The following ZFHX3 variants were observed in gnomAD, a reference collection of about 807,000 sequenced individuals.
ZFHX3 encodes the protein zinc finger homeobox protein 3.
In ZFHX3, 42 loss-of-function variants were observed where a neutral mutation model predicts 279.1. The observed-to-expected ratio is 0.15, with a 90% CI of 0.12 to 0.19. ZFHX3 has a LOEUF of 0.19. Among genes scored for constraint, ZFHX3 ranks in the 10% least tolerant of loss-of-function variants. The probability of loss-of-function intolerance (pLI) is 1.00; values close to 1 mark genes in which losing one functional copy is unlikely to be tolerated. For synonymous variants in ZFHX3, 2,293 were observed against 1,957.8 expected, an observed-to-expected ratio of 1.17 and a Z score of -4.52; for missense variants, 4,981 against 4,754.0, an observed-to-expected ratio of 1.05 and a Z score of -1.40.
intron 3 of ZFHX3, among the ~76,000 whole-genome samples, chr16:72,943,818 GT>G (rs959053874): frequency 1.1e-4 from 16 of 152,248 alleles, no homozygotes; most frequent in South Asian, 8.3e-4. Context: ...AGAGAATCAT[GT>G]TCCTAGCTCA....
At chr16:73,205,221 A>C (rs945049739) in intron 5 of ZFHX3, among the ~76,000 whole-genome samples, 7 of 152,256 alleles carry the variant, frequency 4.6e-5, no homozygotes, top group Non-Finnish European at 1.0e-4. Context: ...TATCTAACCC[A>C]CCTTGAGATC....
intron 8 of ZFHX3, among the ~76,000 whole-genome samples, chr16:73,087,916 C>T (rs951526412): frequency 6.6e-6 from 1 of 151,866 alleles, no homozygotes; most frequent in African/African-American, 2.4e-5. Context: ...CAACCTCCAG[C>T]TTCCCGGGTT....
intron 1 of ZFHX3, among the ~76,000 whole-genome samples, chr16:73,748,910 C>G (rs988232120): frequency 3.3e-5 from 5 of 152,140 alleles, no homozygotes; most frequent in African/African-American, 9.7e-5. Flanking sequence ...GCCTCAGCCT[C>G]CTGAGTAGCT....
intron 4 of ZFHX3, among the ~76,000 whole-genome samples, chr16:72,859,211 G>A (rs116272640): frequency 0.011 from 1,738 of 152,168 alleles, 41 homozygotes; most frequent in African/African-American, 0.038. Flanking sequence ...AAAAGATGAC[G>A]CTCTCCAGAA....
chr16:73,802,087 T>A (rs559846286), intron 1 of ZFHX3, among the ~76,000 whole-genome samples: 7 of 152,290 alleles, frequency 4.6e-5, no homozygotes, highest in Non-Finnish European at 7.3e-5. Flanking sequence ...GTGACCGCAG[T>A]GATGTACCAA....
chr16:73,672,141 G>A (rs940141531), intron 2 of ZFHX3, among the ~76,000 whole-genome samples: 4 of 152,002 alleles, frequency 2.6e-5, no homozygotes, highest in Non-Finnish European at 4.4e-5. Context: ...GATTCAGATA[G>A]CAGATCAAAT....
chr16:73,369,183 C>A (rs1353579425), intron 3 of ZFHX3, among the ~76,000 whole-genome samples: 4 of 152,304 alleles, frequency 2.6e-5, no homozygotes, highest in Middle Eastern at 6.8e-3. Flanking sequence ...CAACTCCAGG[C>A]CTGGGGTTTG....
At chr16:73,730,579 G>A (rs1292010575) in intron 1 of ZFHX3, among the ~76,000 whole-genome samples, 1 of 152,080 alleles carries the variant, frequency 6.6e-6, no homozygotes, top group Non-Finnish European at 1.5e-5. Context: ...TATGGTTCCC[G>A]TCTATCTTGG....
At chr16:73,402,753 G>C (rs1467604643) in intron 3 of ZFHX3, among the ~76,000 whole-genome samples, 2 of 152,134 alleles carry the variant, frequency 1.3e-5, no homozygotes, top group Non-Finnish European at 2.9e-5. Flanking sequence ...TGCAAGCTAA[G>C]TAATCAGTTG....
In ZFHX3 at chr16:72,794,522, G is replaced by A. The variant is rs375739878; in HGVS notation, c.8160C>T (p.Phe2720=). 1 of 1,614,084 alleles carries A rather than the reference G, an allele frequency of 6.2e-7. No homozygotes were observed. Among genetic ancestry groups the A allele is most frequent in the Non-Finnish European group, 8.5e-7 (1 of 1,180,052 alleles). Residue 2720 remains phenylalanine (F), a synonymous_variant, in exon 9 of 10, where the codon TTC becomes TTT. Coordinates refer to ENST00000268489, the MANE Select transcript of ZFHX3 (RefSeq NM_006885.4). The surrounding 1 kb of genome is among the most constrained non-coding windows in gnomAD (Gnocchi z 4.2). Reference sequence around the variant, plus strand: ...GAGCCTCAAGAGCAGTCTTGGCTTTGAAGAGCGCTCTGCAAAAAGGGCATC... The same window carrying A: ...GAGCCTCAAGAGCAGTCTTGGCTTTAAAGAGCGCTCTGCAAAAAGGGCATC... The part of the protein sequence containing the change: ...HRRCPFCRAL[F]KAKTALEAHI...
chr16:73,846,859 G>T (rs540405106), intron 1 of ZFHX3, among the ~76,000 whole-genome samples: 1 of 152,246 alleles, frequency 6.6e-6, no homozygotes, highest in South Asian at 2.1e-4. Flanking sequence ...CCCCATAAAA[G>T]AGTAAACTAA....
chr16:72,787,926 G>A lies in ZFHX3; in HGVS notation c.10350C>T (p.Asp3450=), dbSNP rs1317952031. ...GAACAATGAAGGGGTCGTAGAGGGA[G>A]TCCGCACTTTTGCTTTCTGCTTCTG... ...EEPEAESKSA[D]SLYDPFIVPK... Residue 3450 remains aspartate, a synonymous_variant, in exon 10 of 10, where the codon GAC becomes GAT. Coordinates refer to ENST00000268489, the MANE Select transcript of ZFHX3 (RefSeq NM_006885.4). The A allele has an allele frequency of 6.2e-7, 1 of 1,613,972 alleles. No individual in the cohort carries two copies. Among genetic ancestry groups the A allele is most frequent in the Non-Finnish European group, 8.5e-7 (1 of 1,180,038 alleles).
intron 3 of ZFHX3, among the ~76,000 whole-genome samples, chr16:72,947,671 G>A (rs1960761147): frequency 1.3e-5 from 2 of 152,124 alleles, no homozygotes; most frequent in African/African-American, 2.4e-5. Context: ...GAGCCGCCCT[G>A]GCTGATCATG....
At chr16:73,193,750 C>T (rs1968089398) in intron 5 of ZFHX3, among the ~76,000 whole-genome samples, 1 of 152,154 alleles carries the variant, frequency 6.6e-6, no homozygotes, top group Non-Finnish European at 1.5e-5. Context: ...TCTAACTCTG[C>T]CACTTTCCCT....
chr16:73,437,457 A>G (rs1287539357), intron 3 of ZFHX3, among the ~76,000 whole-genome samples: 1 of 152,186 alleles, frequency 6.6e-6, no homozygotes, highest in Non-Finnish European at 1.5e-5. Flanking sequence ...GGGAAATTGA[A>G]GCGTATCCCT....
intron 3 of ZFHX3, among the ~76,000 whole-genome samples, chr16:73,437,183 G>T (rs930792729): frequency 2.6e-5 from 4 of 152,038 alleles, no homozygotes; most frequent in African/African-American, 9.7e-5. Flanking sequence ...GGCAAAAACC[G>T]CAATTGCTTT....
At chr16:73,043,171 AAC>A (rs1965176532) in intron 1 of ZFHX3, among the ~76,000 whole-genome samples, 1 of 152,158 alleles carries the variant, frequency 6.6e-6, no homozygotes, top group African/African-American at 2.4e-5. Context: ...AAGCTCAAAG[AAC>A]ACACAGCAGA....
chr16:72,796,396 T>C lies in ZFHX3; in HGVS notation c.6286A>G (p.Ile2096Val). The C allele has an allele frequency of 6.2e-7, 1 of 1,612,916 alleles. No individual in the cohort carries two copies. Among genetic ancestry groups the C allele is most frequent in the South Asian group, 1.1e-5 (1 of 91,040 alleles). The part of the protein sequence containing the change: ...TQLSMPMELP[I>V]FSPLMMQTMP... ...GTCTGCATCATCAGCGGCGAGAAGA[T>C]GGGCAGCTCCATCGGCATGGAGAGC... The change falls in exon 9 of 10, where the codon ATC (isoleucine) becomes GTC (valine). Residue 2096 changes from isoleucine to valine, a missense_variant. Ile to Val is a conservative substitution (Grantham distance 29). Transcript: ENST00000268489.
At chr16:72,925,051 G>T (rs757756779) in intron 3 of ZFHX3, among the ~76,000 whole-genome samples, 18 of 152,358 alleles carry the variant, frequency 1.2e-4, no homozygotes, top group Non-Finnish European at 2.5e-4. Context: ...GGGACACACA[G>T]GTCCCATTCA....
Sources: gnomAD v4.1 joint callset for allele counts (sites outside exome capture counted in the v4.1 genomes callset) on GRCh38, gnomAD v4.1.1 for gene constraint, Gnocchi (gnomAD v3.1) non-coding constraint, MANE v1.5 for transcripts, NCBI Gene and HGNC (gene_info 2026-07-23, HGNC 2026-07-21) for gene names.